NRG1: variants seen among roughly 807,000 people sequenced by gnomAD.
The protein encoded by NRG1 is neuregulin 1, also known as pro-neuregulin-1, membrane-bound isoform.
A neutral mutation model predicts 63.8 loss-of-function variants in NRG1; 18 were observed. The ratio of observed to expected loss-of-function variants is 0.28; its 90% CI spans 0.19 to 0.42. The LOEUF is 0.42. NRG1 is among the 10% of genes least tolerant of loss of function. The pLI is 1.00. For missense variants in NRG1, 762 were observed against 814.7 expected (o/e 0.94, Z 0.79); for synonymous variants, 302 against 301.3 (o/e 1.00, Z -0.02).
At chr8:32,695,409 AAAG>A (rs1813024380) in intron 5 of NRG1, among the ~76,000 whole-genome samples, 1 of 152,150 alleles carries the variant, frequency 6.6e-6, no homozygotes, top group Non-Finnish European at 1.5e-5. Flanking sequence ...GGAGAAAAGA[AAAG>A]AAAAGAAAAA....
intron 1 of NRG1, among the ~76,000 whole-genome samples, chr8:32,520,919 T>C (rs952024194): frequency 6.6e-6 from 1 of 152,242 alleles, no homozygotes; most frequent in Non-Finnish European, 1.5e-5. Flanking sequence ...AGTAACCATC[T>C]TGATGATCAG....
At chr8:32,215,516 C>T (rs933221088) in intron 1 of NRG1, among the ~76,000 whole-genome samples, 5 of 152,174 alleles carry the variant, frequency 3.3e-5, no homozygotes, top group African/African-American at 1.2e-4. Context: ...CTAATCCTCA[C>T]ACACTTATGA....
chr8:32,288,443 G>T (rs1400645659), intron 1 of NRG1, among the ~76,000 whole-genome samples: 3 of 152,122 alleles, frequency 2.0e-5, no homozygotes, highest in African/African-American at 4.8e-5. Context: ...GGAAGACTTA[G>T]GCTTTGACTT....
chr8:32,128,295 A>G (rs1834367690), intron 1 of NRG1, among the ~76,000 whole-genome samples: 1 of 151,910 alleles, frequency 6.6e-6, no homozygotes, highest in African/African-American at 2.4e-5. Context: ...GGCTTTATGC[A>G]GTGATGCCTT....
chr8:32,463,240 A>C (rs991302418), intron 1 of NRG1, among the ~76,000 whole-genome samples: 1 of 152,176 alleles, frequency 6.6e-6, no homozygotes, highest in Non-Finnish European at 1.5e-5. Context: ...GGCTATTGTG[A>C]ATAATGCTGC....
At chr8:32,372,487 G>T (rs1587160797) in intron 1 of NRG1, among the ~76,000 whole-genome samples, 2 of 152,082 alleles carry the variant, frequency 1.3e-5, no homozygotes, top group African/African-American at 4.8e-5. Flanking sequence ...GGCAGCAATT[G>T]GTGAGTTTGA....
intron 1 of NRG1, among the ~76,000 whole-genome samples, chr8:32,103,616 C>T (rs1830858324): frequency 6.6e-6 from 1 of 152,120 alleles, no homozygotes; most frequent in South Asian, 2.1e-4. Flanking sequence ...CCAAACTGCT[C>T]TTCATTGTGG....
intron 1 of NRG1, among the ~76,000 whole-genome samples, chr8:31,963,129 A>AATGCC (rs1805743946): frequency 6.6e-6 from 1 of 152,218 alleles, no homozygotes; most frequent in Non-Finnish European, 1.5e-5. Flanking sequence ...ATCATCTGTC[A>AATGCC]ATGCCCTCAA....
At chr8:32,682,471 A>G (rs1171744590) in intron 5 of NRG1, among the ~76,000 whole-genome samples, 1 of 152,120 alleles carries the variant, frequency 6.6e-6, no homozygotes, top group Admixed American at 6.6e-5. Context: ...CATGAGTAAA[A>G]TGATCCCTGT....
At chr8:32,306,939 T>A (rs919153743) in intron 1 of NRG1, among the ~76,000 whole-genome samples, 37 of 152,326 alleles carry the variant, frequency 2.4e-4, no homozygotes, top group African/African-American at 8.4e-4. Context: ...GAAATTTTAA[T>A]CCCTAGCAGG....
rs149117400 is a variant in NRG1, at chr8:31,737,529, A to G, written c.37+98098A>G. On this transcript the variant is annotated intron_variant, in intron 1 of 10. Coordinates refer to the NRG1 transcript ENST00000519301. Reference sequence around the variant, plus strand: ...TGAATGAATGAATGATGCCCAGGATAGAATATTTGGTACTGCTGTCCTGTC... The same window carrying G: ...TGAATGAATGAATGATGCCCAGGATGGAATATTTGGTACTGCTGTCCTGTC... 3.3e-3 allele frequency among the ~76,000 whole-genome samples: 501 copies of G among 152,258 alleles called. 4 individuals are homozygous for G. Among genetic ancestry groups the G allele is most frequent in the African/African-American group, 0.011 (469 of 41,546 alleles).
chr8:32,516,561 A>G (rs1178924088), intron 1 of NRG1, among the ~76,000 whole-genome samples: 2 of 152,332 alleles, frequency 1.3e-5, no homozygotes, highest in South Asian at 2.1e-4. Context: ...ATCCATGAAC[A>G]TGGAATGTTT....
intron 1 of NRG1, among the ~76,000 whole-genome samples, chr8:32,559,277 C>CTTATAAG (rs1835891032): frequency 1.0e-5 from 1 of 96,746 alleles, no homozygotes; most frequent in Non-Finnish European, 2.4e-5. Context: ...CTACTCAGAC[C>CTTATAAG]TTATAAGAAT....
At chr8:31,934,992 C>T (rs1835183134) in intron 1 of NRG1, among the ~76,000 whole-genome samples, 1 of 152,158 alleles carries the variant, frequency 6.6e-6, no homozygotes, top group South Asian at 2.1e-4. Context: ...TGTCACCCCA[C>T]CCAGGCTGGA....
chr8:31,853,872 T>C (rs2129609449), intron 1 of NRG1, among the ~76,000 whole-genome samples: 1 of 152,200 alleles, frequency 6.6e-6, no homozygotes, highest in African/African-American at 2.4e-5. Context: ...GAGATAATCA[T>C]GTGGTATTTG....
intron 1 of NRG1, among the ~76,000 whole-genome samples, chr8:31,912,437 G>A (rs756520646): frequency 1.3e-5 from 2 of 151,952 alleles, no homozygotes; most frequent in Admixed American, 6.6e-5. Context: ...TGCTCTCAGG[G>A]TAAAATCCAC....
At chr8:32,451,770 C>T (rs1170742271) in intron 1 of NRG1, among the ~76,000 whole-genome samples, 2 of 152,120 alleles carry the variant, frequency 1.3e-5, no homozygotes, top group South Asian at 2.1e-4. Flanking sequence ...TAATATTTGC[C>T]TTGTTTCATT....
chr8:31,774,986 T>C (rs1026914448), intron 1 of NRG1, among the ~76,000 whole-genome samples: 1 of 152,174 alleles, frequency 6.6e-6, no homozygotes, highest in Non-Finnish European at 1.5e-5. Context: ...TTATACATTG[T>C]TGGTGGGAAG....
At chr8:32,577,701 C>CTTTT (rs35395739) in intron 1 of NRG1, among the ~76,000 whole-genome samples, 1 of 148,160 alleles carries the variant, frequency 6.7e-6, no homozygotes, top group Non-Finnish European at 1.5e-5. Flanking sequence ...AACCTTAACA[C>CTTTT]TTTTTTTTTT....
Sources: gnomAD v4.1 joint callset for allele counts (sites outside exome capture counted in the v4.1 genomes callset) on GRCh38, gnomAD v4.1.1 for gene constraint, MANE v1.5 for transcripts, NCBI Gene and HGNC (gene_info 2026-07-23, HGNC 2026-07-21) for gene names.